Variants in SH3GL1 observed in about 807,000 individuals in gnomAD.
SH3GL1 encodes the protein endophilin-A2.
SH3GL1 carries 21 observed loss-of-function variants against 48.8 expected under a neutral mutation model. The observed-to-expected ratio is 0.43, with a 90% confidence interval of 0.30 to 0.62. SH3GL1 has a LOEUF of 0.62. SH3GL1 is among the 20% of genes least tolerant of loss of function. SH3GL1 has a pLI of 0.11. For missense variants in SH3GL1, 454 were observed against 503.0 expected, an observed-to-expected ratio of 0.90 and a Z score of 0.93; for synonymous variants, 282 against 217.5, an observed-to-expected ratio of 1.30 and a Z score of -2.61.
chr19:4,399,584 G>C (rs565868519), intron 1 of SH3GL1, among the ~76,000 whole-genome samples: 1 of 152,270 alleles, frequency 6.6e-6, no homozygotes, highest in African/African-American at 2.4e-5. Flanking sequence ...GTGGGTGGAG[G>C]CCAGGGGCGC....
In SH3GL1 at chr19:4,400,123, C is replaced by T. The variant is rs563254604; in HGVS notation, c.45+201G>A. Among the ~76,000 whole-genome samples, 65 of 152,282 alleles carry T rather than the reference C, an allele frequency of 4.3e-4. No individual in the cohort carries two copies. The highest frequency in any genetic ancestry group is 1.3e-3 in the African/African-American group (53 of 41,582). On this transcript the variant is annotated intron_variant, in intron 1 of 9. Coordinates refer to ENST00000269886, the MANE Select transcript of SH3GL1 (RefSeq NM_003025.4). The surrounding 1 kb of genome is among the most constrained non-coding windows in gnomAD (Gnocchi z 4.1). Reference sequence around the variant, plus strand: ...CCTCCTCCCAGGGGCTCTGTCCCCGCTTCTGGAGCCCGCATGGCGGGCAGG... The same window carrying T: ...CCTCCTCCCAGGGGCTCTGTCCCCGTTTCTGGAGCCCGCATGGCGGGCAGG...
intron 1 of SH3GL1, among the ~76,000 whole-genome samples, chr19:4,369,055 G>C (rs969535422): frequency 3.3e-5 from 5 of 152,014 alleles, no homozygotes; most frequent in African/African-American, 1.2e-4. Context: ...CTAGGCGACA[G>C]AGCAAGACTC....
chr19:4,373,381 C>T (rs959664482), intron 1 of SH3GL1, among the ~76,000 whole-genome samples: 2 of 152,198 alleles, frequency 1.3e-5, no homozygotes, highest in Non-Finnish European at 2.9e-5. Context: ...CACTGTCCTT[C>T]GAGCCTCCAG....
At position 4,400,304 on chromosome 19, in the gene SH3GL1, C is replaced by T. The variant is rs375687020; in HGVS notation, c.45+20G>A. The T allele has an allele frequency of 2.5e-6, 4 of 1,595,300 alleles. No homozygotes were observed. Among genetic ancestry groups the T allele is most frequent in the African/African-American group, 1.4e-5 (1 of 72,486 alleles). ...CAGCCCGGGGCCCGGTACTCGGCTC[C>T]CGCCTGGGCCTGCGCTCACCTGGCT... On this transcript the variant is annotated intron_variant, in intron 1 of 9. Transcript: ENST00000269886. The surrounding 1 kb of genome is among the most constrained non-coding windows in gnomAD (Gnocchi z 4.1).
chr19:4,364,337 T>C, intron 4 of SH3GL1, 116 bp from the exon 5 acceptor site: 2 of 1,359,762 alleles, frequency 1.5e-6, no homozygotes, highest in Non-Finnish European at 2.1e-6. Flanking sequence ...AGTGGCGCTG[T>C]ACCAGCTCAC....
At position 4,363,393 on chromosome 19, in the gene SH3GL1, C is replaced by T. The variant is rs1372436817; in HGVS notation, c.705G>A (p.Glu235=). 1 of 1,608,742 alleles carries T rather than the reference C, an allele frequency of 6.2e-7. No individual in the cohort carries two copies. Among genetic ancestry groups the T allele is most frequent in the Non-Finnish European group, 8.5e-7 (1 of 1,178,094 alleles). ...ACCTGCGCTTGAGCTTCTCCGCCAG[C>T]TCGTCCAGGATCTGCACGGCCTGCC... is the stretch of plus-strand genomic sequence containing the variant. The part of the protein sequence containing the change: ...YHRQAVQILD[E]LAEKLKRRMR... The change falls in exon 7 of 10, where the codon GAG becomes GAA. Residue 235 remains glutamate (E), a synonymous_variant. Coordinates refer to ENST00000269886, the MANE Select transcript of SH3GL1 (RefSeq NM_003025.4).
rs551443690 is a variant in SH3GL1 at position 4,376,801 on chromosome 19, T to A, written c.46-9807A>T. 8.5e-5 allele frequency among the ~76,000 whole-genome samples: 13 copies of A among 152,250 alleles called. No individual in the cohort carries two copies. The highest frequency in any genetic ancestry group is 1.9e-4 in the Non-Finnish European group (13 of 68,010). On this transcript the variant is annotated intron_variant, in intron 1 of 9. Coordinates refer to ENST00000269886, the MANE Select transcript of SH3GL1 (RefSeq NM_003025.4). The surrounding 1 kb of genome is among the most constrained non-coding windows in gnomAD (Gnocchi z 4.3). Reference sequence around the variant, plus strand: ...CCTGCTATCCTCACGGGGCCTCGCATTCCTCTTGCTTGCTTGTTTTCGGGT... The same window carrying A: ...CCTGCTATCCTCACGGGGCCTCGCAATCCTCTTGCTTGCTTGTTTTCGGGT...
intron 1 of SH3GL1, among the ~76,000 whole-genome samples, chr19:4,386,357 G>C (rs971713125): frequency 6.6e-6 from 1 of 152,190 alleles, no homozygotes. Flanking sequence ...CTGGGGCAAA[G>C]TCCCGAAATG....
chr19:4,398,660 A>G (rs1973465310), intron 1 of SH3GL1, among the ~76,000 whole-genome samples: 1 of 152,176 alleles, frequency 6.6e-6, no homozygotes, highest in Admixed American at 6.5e-5. Flanking sequence ...GGCATGAGCC[A>G]CCGCGCCCGG....
chr19:4,361,505 A>T lies in SH3GL1; in HGVS notation c.*95T>A, dbSNP rs1490468107. The T allele has an allele frequency of 2.0e-6, 2 of 995,278 alleles. No individual in the cohort carries two copies. Among genetic ancestry groups the T allele is most frequent in the African/African-American group, 1.6e-5 (1 of 62,616 alleles). The allele number at this position is 995,278 out of a possible 1,614,324, so 61.7% of individuals were successfully genotyped here. ...CCAGGTGGCGCCGGCAGGCTCAGAC[A>T]CCGCCCTGGCAGCAGGGGCTCCGTG... On this transcript the variant is annotated 3_prime_UTR_variant, in exon 10 of 10. Coordinates refer to ENST00000269886, the MANE Select transcript of SH3GL1 (RefSeq NM_003025.4).
intron 1 of SH3GL1, among the ~76,000 whole-genome samples, chr19:4,387,514 G>C (rs1188786901): frequency 6.6e-6 from 1 of 151,642 alleles, no homozygotes; most frequent in East Asian, 2.0e-4. Flanking sequence ...AAATGGGCTT[G>C]AACAACTGGG....
intron 2 of SH3GL1, 21 bp from the exon 3 acceptor site, chr19:4,366,594 T>C: frequency 6.2e-7 from 1 of 1,607,138 alleles, no homozygotes; most frequent in Non-Finnish European, 8.5e-7. Context: ...AAGCAGCATA[T>C]AAGACTCCAC....
chr19:4,395,159 T>C (rs1973403772), intron 1 of SH3GL1, among the ~76,000 whole-genome samples: 1 of 6,514 alleles, frequency 1.5e-4, no homozygotes, highest in African/African-American at 9.8e-4. Flanking sequence ...TCACTGTAAA[T>C]GGTGTTTTTT....
chr19:4,368,284 G>A (rs765218310), intron 1 of SH3GL1, among the ~76,000 whole-genome samples: 1 of 152,258 alleles, frequency 6.6e-6, no homozygotes, highest in Non-Finnish European at 1.5e-5. Flanking sequence ...GGGCTGGGGG[G>A]TGTCCAGCAG....
At chr19:4,388,649 A>C (rs1973278988) in intron 1 of SH3GL1, among the ~76,000 whole-genome samples, 2 of 152,166 alleles carry the variant, frequency 1.3e-5, no homozygotes, top group Non-Finnish European at 2.9e-5. Context: ...GGAGGCTGGG[A>C]GTGGTTTAGT....
chr19:4,382,003 C>T (rs184366607), intron 1 of SH3GL1, among the ~76,000 whole-genome samples: 5 of 152,220 alleles, frequency 3.3e-5, no homozygotes, highest in Admixed American at 3.3e-4. Flanking sequence ...AAAGTCTTCA[C>T]TAGGTCAGAC....
chr19:4,375,618 G>C (rs1972992079), intron 1 of SH3GL1, among the ~76,000 whole-genome samples: 1 of 152,230 alleles, frequency 6.6e-6, no homozygotes, highest in South Asian at 2.1e-4. Flanking sequence ...CCTCTCCCAG[G>C]AACAAACCAC....
Position 4,387,225 on chromosome 19 carries a change from C to T in SH3GL1, c.45+13099G>A, listed in dbSNP as rs900922866. Among the ~76,000 whole-genome samples, 10 of 152,308 alleles carry T rather than the reference C, an allele frequency of 6.6e-5. No homozygotes were observed. In the East Asian group the frequency reaches 1.5e-3, roughly 24 times the overall value. On this transcript the variant is annotated intron_variant, in intron 1 of 9. Coordinates refer to ENST00000269886, the MANE Select transcript of SH3GL1 (RefSeq NM_003025.4). The stretch of plus-strand genomic sequence containing the variant: ...TGCTGGGATTACAGGCATGAGCCAC[C>T]GCGCCTGGCCCCTCTTCTGTATTTC...
At chr19:4,380,489 G>A (rs1428918216) in intron 1 of SH3GL1, among the ~76,000 whole-genome samples, 2 of 152,164 alleles carry the variant, frequency 1.3e-5, no homozygotes, top group Non-Finnish European at 2.9e-5. Flanking sequence ...GGCATGACAT[G>A]AGCCTGCAGC....
Sources: gnomAD v4.1 joint callset for allele counts (sites outside exome capture counted in the v4.1 genomes callset) on GRCh38, gnomAD v4.1.1 for gene constraint, Gnocchi (gnomAD v3.1) non-coding constraint, MANE v1.5 for transcripts, NCBI Gene and HGNC (gene_info 2026-07-23, HGNC 2026-07-21) for gene names.